GOSR2: variants seen among roughly 807,000 people sequenced by gnomAD.
The protein encoded by GOSR2 is 27 kDa Golgi SNARE protein.
In GOSR2, 20 loss-of-function variants were observed where a neutral mutation model predicts 27.9. The observed-to-expected ratio is 0.72, with a 90% confidence interval of 0.50 to 1.04. GOSR2 has a LOEUF of 1.04. Ranked by LOEUF, GOSR2 falls within the 50% of genes least tolerant of loss-of-function variation. GOSR2 has a pLI of 0.00. For missense variants in GOSR2, 261 were observed against 270.5 expected (o/e 0.97, Z 0.25); for synonymous variants, 91 against 98.8 (o/e 0.92, Z 0.47).
chr17:46,956,246 C>T (rs2090699223), intron 6 of GOSR2, among the ~76,000 whole-genome samples: 1 of 150,854 alleles, frequency 6.6e-6, no homozygotes, highest in South Asian at 2.1e-4. Context: ...AATCTCTACC[C>T]GCCTAAGGCC....
At chr17:46,926,271 A>G (rs1252892634) in intron 1 of GOSR2, among the ~76,000 whole-genome samples, 2 of 152,236 alleles carry the variant, frequency 1.3e-5, no homozygotes, top group Non-Finnish European at 2.9e-5. Flanking sequence ...ACTTTTAAGT[A>G]AAGTTAACAA....
rs2147076387 is a variant in GOSR2, at chr17:46,940,214, T to C, written c.*1454T>C. On this transcript the variant is annotated 3_prime_UTR_variant, in exon 6 of 6. Transcript: ENST00000640051. ...CTTTGGTAAGTTTTCTTAATTGTCA[T>C]AGATTAACTGAGTTTCCTGGATGCT... The C allele has an allele frequency of 1.4e-6, 2 of 1,413,476 alleles. No individual in the cohort carries two copies. The highest frequency in any genetic ancestry group is 1.8e-6 in the Non-Finnish European group (2 of 1,087,486). The allele number at this position is 1,413,476 out of a possible 1,614,324, so 87.6% of individuals were successfully genotyped here.
Position 46,938,596 on chromosome 17 carries a change from C to T in GOSR2, c.478-3C>T. On this transcript the variant is annotated splice_polypyrimidine_tract_variant and splice_region_variant and intron_variant, in intron 5 of 5. Coordinates refer to ENST00000640051, the MANE Select transcript of GOSR2 (RefSeq NM_004287.5). ...TTTTTTTTTCTGTTCTCTTCTGCCC[C>T]AGGGGACTCAGAAGAAGATCCTTGA... The T allele has an allele frequency of 6.2e-7, 1 of 1,613,820 alleles. No individual in the cohort carries two copies. The highest frequency in any genetic ancestry group is 1.3e-5 in the African/African-American group (1 of 75,018).
rs1296488483 is a variant in GOSR2 at position 46,941,950 on chromosome 17, AAAG to A, written c.*3192_*3194del. On this transcript the variant is annotated 3_prime_UTR_variant, in exon 6 of 6. Coordinates refer to ENST00000640051, the MANE Select transcript of GOSR2 (RefSeq NM_004287.5). ...CTCCTAGACAGAAAGCTTCTGTCTC[AAAG>A]ATGATCACATTGGTGTAAAGAGCAA... is the stretch of plus-strand genomic sequence containing the variant. 2 of 985,068 alleles carry A rather than the reference AAAG, an allele frequency of 2.0e-6. No individual in the cohort carries two copies. The highest frequency in any genetic ancestry group is 3.5e-5 in the African/African-American group (2 of 57,220). 61.0% of individuals were successfully genotyped at this position (985,068 alleles called of 1,614,324 possible). A position where few individuals can be genotyped will look rare whatever the true frequency, so the allele number is the denominator to read the frequency against.
chr17:46,938,667 C>G lies in GOSR2; in HGVS notation c.546C>G (p.Ile182Met). Residue 182 changes from isoleucine to methionine, a missense_variant, in exon 6 of 6, where the codon ATC becomes ATG. Coordinates refer to ENST00000640051, the MANE Select transcript of GOSR2 (RefSeq NM_004287.5). ...TGTCCAACACAGTGATGCGGCTCAT[C>G]GAGAAGCGGGCTTTCCAGGACAAGT... Reference protein sequence around the residue: ...LGLSNTVMRLIEKRAFQDKYF... With the variant: ...LGLSNTVMRLMEKRAFQDKYF... The G allele has an allele frequency of 2.5e-6, 4 of 1,614,038 alleles. No individual in the cohort carries two copies. Among genetic ancestry groups the G allele is most frequent in the Non-Finnish European group, 3.4e-6 (4 of 1,180,016 alleles).
intron 1 of GOSR2, among the ~76,000 whole-genome samples, chr17:46,929,158 C>T (rs185598619): frequency 3.3e-5 from 5 of 152,222 alleles, no homozygotes; most frequent in East Asian, 1.9e-4. Context: ...TAGGATTGGC[C>T]GGGTTCAGTT....
intron 6 of GOSR2, among the ~76,000 whole-genome samples, chr17:46,950,610 A>C (rs909479872): frequency 9.8e-5 from 15 of 152,346 alleles, no homozygotes; most frequent in Middle Eastern, 3.4e-3. Flanking sequence ...AATTTCCACC[A>C]TGTGAACTTA....
downstream of GOSR2, among the ~76,000 whole-genome samples, chr17:46,946,557 G>C (rs1307494263): frequency 1.3e-5 from 2 of 149,726 alleles, no homozygotes; most frequent in Non-Finnish European, 3.0e-5. Context: ...CCCTTAAACA[G>C]AAAAGTAATT....
At chr17:46,938,248 A>T (rs544503118) in intron 5 of GOSR2, among the ~76,000 whole-genome samples, 1 of 152,272 alleles carries the variant, frequency 6.6e-6, no homozygotes, top group Admixed American at 6.5e-5. Context: ...TCTATGAACC[A>T]TCTCAAATTA....
Position 46,932,181 on chromosome 17 carries a change from T to C in GOSR2, c.318T>C (p.Ser106=). Residue 106 remains serine, a synonymous_variant, in exon 4 of 6, where the codon TCT becomes TCC. Coordinates refer to ENST00000640051, the MANE Select transcript of GOSR2 (RefSeq NM_004287.5). ...QQERQREELL[S]RTFTTNDSDT... ...AGAGACAGCGAGAAGAGCTTCTGTCTCGAACCTTCACCACTAACGTAAGCC... is the reference window on the plus strand; with the variant it reads ...AGAGACAGCGAGAAGAGCTTCTGTCCCGAACCTTCACCACTAACGTAAGCC... The C allele has an allele frequency of 6.2e-7, 1 of 1,614,092 alleles. No homozygotes were observed. Among genetic ancestry groups the C allele is most frequent in the East Asian group, 2.2e-5 (1 of 44,882 alleles).
chr17:46,969,989 G>A (rs909059140), downstream of GOSR2, among the ~76,000 whole-genome samples: 1 of 152,126 alleles, frequency 6.6e-6, no homozygotes, highest in Admixed American at 6.5e-5. Flanking sequence ...CAGACACCGG[G>A]GGTCAAATCT....
chr17:46,952,384 GAC>G (rs2090426479), intron 6 of GOSR2, among the ~76,000 whole-genome samples: 1 of 152,056 alleles, frequency 6.6e-6, no homozygotes, highest in Non-Finnish European at 1.5e-5. Flanking sequence ...AATTCCCATA[GAC>G]ACTGCTGGTT....
intron 1 of GOSR2, among the ~76,000 whole-genome samples, chr17:46,926,990 AGT>A (rs2086598602): frequency 6.6e-6 from 1 of 152,206 alleles, no homozygotes; most frequent in Admixed American, 6.5e-5. Context: ...AAGCATTTAA[AGT>A]GTTTTACCAA....
chr17:46,949,335 C>T (rs1244758272), intron 6 of GOSR2: 2 of 152,364 alleles, frequency 1.3e-5, no homozygotes, highest in African/African-American at 4.8e-5. Context: ...GGCATGATGA[C>T]TGAGTTCCAA....
chr17:46,939,857 T>C lies in GOSR2; in HGVS notation c.*1097T>C. Reference sequence around the variant, plus strand: ...ATTTAGTATAAAGGCCAATCTGTCCTGAAGTCCATCTAATGTGGTGAATCA... The same window carrying C: ...ATTTAGTATAAAGGCCAATCTGTCCCGAAGTCCATCTAATGTGGTGAATCA... On this transcript the variant is annotated 3_prime_UTR_variant, in exon 6 of 6. Transcript: ENST00000640051. 6.0e-6 allele frequency: 6 copies of C among 993,796 alleles called. No individual in the cohort carries two copies. Among genetic ancestry groups the C allele is most frequent in the Non-Finnish European group, 7.2e-6 (6 of 833,942 alleles). The allele number at this position is 993,796 out of a possible 1,614,324, so 61.6% of individuals were successfully genotyped here. A position where few individuals can be genotyped will look rare whatever the true frequency, so the allele number is the denominator to read the frequency against.
rs1279272422 is a variant in GOSR2 at position 46,923,182 on chromosome 17, G to C, written c.-11G>C. The C allele has an allele frequency of 2.6e-6, 4 of 1,537,266 alleles. No homozygotes were observed. The highest frequency in any genetic ancestry group is 1.2e-5 in the South Asian group (1 of 83,758). On this transcript the variant is annotated 5_prime_UTR_variant, in exon 1 of 6. Coordinates refer to ENST00000640051, the MANE Select transcript of GOSR2 (RefSeq NM_004287.5). ...GCCAGAGCCGGAGCCGTGGCCTGCG[G>C]GGCCGGCGACATGGATCCCCTGTTC...
intron 4 of GOSR2, chr17:46,932,625 A>G: frequency 3.0e-6 from 1 of 330,260 alleles, no homozygotes; most frequent in South Asian, 5.5e-5. Flanking sequence ...TGTCAGGTGC[A>G]TTAAGATGTT....
downstream of GOSR2, among the ~76,000 whole-genome samples, chr17:46,943,581 A>G (rs1293616024): frequency 1.3e-5 from 2 of 151,992 alleles, no homozygotes; most frequent in African/African-American, 4.8e-5. Context: ...GTTGCTCCTC[A>G]CCGCAGGGGC....
Position 46,923,593 on chromosome 17 carries a change from C to A in GOSR2, c.29+372C>A. The A allele has an allele frequency of 2.3e-6, 3 of 1,292,562 alleles. No individual in the cohort carries two copies. The East Asian group carries it at 8.8e-5, about 38-fold the overall frequency. The allele number at this position is 1,292,562 out of a possible 1,614,324, so 80.1% of individuals were successfully genotyped here. ...GGAGACACGGAGTAGGAGACACGGC[C>A]CCTGGCCGTAGGAGTGTACTGTTTA... On this transcript the variant is annotated intron_variant, in intron 1 of 5. Coordinates refer to ENST00000640051, the MANE Select transcript of GOSR2 (RefSeq NM_004287.5).
Sources: allele counts gnomAD v4.1 joint callset (sites outside exome capture counted in the v4.1 genomes callset), GRCh38; gene constraint gnomAD v4.1.1; transcripts MANE v1.5; gene names NCBI Gene and HGNC (gene_info 2026-07-23, HGNC 2026-07-21).